ELAC2: variants seen among roughly 807,000 people sequenced by gnomAD.
ELAC2 encodes the protein zinc phosphodiesterase ELAC protein 2.
In ELAC2, 92 loss-of-function variants were observed where a neutral mutation model predicts 105.2. The observed-to-expected ratio is 0.87, with a 90% CI of 0.74 to 1.04. ELAC2 has a LOEUF of 1.04. Among genes scored for constraint, ELAC2 ranks in the 50% least tolerant of loss-of-function variants. The probability of loss-of-function intolerance (pLI) is 0.00; values close to 1 mark genes in which losing one functional copy is unlikely to be tolerated. For synonymous variants in ELAC2, 468 were observed against 409.1 expected, an observed-to-expected ratio of 1.14 and a Z score of -1.74; for missense variants, 1,099 against 1,071.7, an observed-to-expected ratio of 1.03 and a Z score of -0.36.
intron 8 of ELAC2, among the ~76,000 whole-genome samples, chr17:13,010,064 G>A (rs1232454544): frequency 6.6e-6 from 1 of 151,548 alleles, no homozygotes; most frequent in Non-Finnish European, 1.5e-5. Flanking sequence ...AAAAGTATGG[G>A]GTTATTTTGA....
chr17:13,014,068 C>A (rs1282001987), intron 5 of ELAC2, among the ~76,000 whole-genome samples: 1 of 152,046 alleles, frequency 6.6e-6, no homozygotes, highest in African/African-American at 2.4e-5. Flanking sequence ...CTGAGGCGGG[C>A]AGATCACAAG....
At chr17:13,015,194 G>A (rs1303722316) in intron 4 of ELAC2, among the ~76,000 whole-genome samples, 1 of 152,188 alleles carries the variant, frequency 6.6e-6, no homozygotes, top group Non-Finnish European at 1.5e-5. Flanking sequence ...AATGAATATG[G>A]GAGGCTATTG....
At chr17:13,013,351 A>G in intron 5 of ELAC2, 76 bp from the exon 6 acceptor site, 1 of 1,456,072 alleles carries the variant, frequency 6.9e-7, no homozygotes, top group Non-Finnish European at 9.5e-7. Flanking sequence ...AGGATCACCA[A>G]CCACGAGCAA....
Position 12,992,843 on chromosome 17 carries a change from T to A in ELAC2, c.2456A>T (p.Gln819Leu). The change falls in exon 24 of 24, where the codon CAG (glutamine) becomes CTG (leucine). Residue 819 changes from glutamine (Q) to leucine (L), a missense_variant. Coordinates refer to ENST00000338034, the MANE Select transcript of ELAC2 (RefSeq NM_018127.7). ...QQKRAHTEEP[Q>L]AKKVRAQ ...TCACTGGGCTCTGACCTTCTTGGCC[T>A]GTGGCTCCTCTGTGTGGGCCCGCTT... is the stretch of plus-strand genomic sequence containing the variant. 6.2e-7 allele frequency: 1 copy of A among 1,613,930 alleles called. No homozygotes were observed. The highest frequency in any genetic ancestry group is 1.1e-5 in the South Asian group (1 of 91,090).
rs765833496 is a variant in ELAC2, at chr17:12,995,828, C to T, written c.1699-16G>A. The T allele has an allele frequency of 5.0e-6, 8 of 1,602,962 alleles. No individual in the cohort carries two copies. In the South Asian group the frequency reaches 6.7e-5, roughly 13 times the overall value. On this transcript the variant is annotated splice_polypyrimidine_tract_variant and intron_variant, in intron 18 of 23. Transcript: ENST00000338034. ...CCAAAGATGCCTGGAACAAAAAATGCAAGTGCCGACTCGACGACAGAACAT... is the reference window on the plus strand; with the variant it reads ...CCAAAGATGCCTGGAACAAAAAATGTAAGTGCCGACTCGACGACAGAACAT...
In ELAC2 at chr17:13,005,079, G is replaced by T. The variant is rs775103906; in HGVS notation, c.893C>A (p.Thr298Asn). The T allele has an allele frequency of 6.2e-6, 10 of 1,614,166 alleles. No homozygotes were observed. The Admixed American group carries it at 1.7e-4, about 27-fold the overall frequency. ...AAAAGCAGCACCAGGATCTGGAGGAGTACACAGCTCTTCAGCCAAAATCTG... is the reference window on the plus strand; with the variant it reads ...AAAAGCAGCACCAGGATCTGGAGGATTACACAGCTCTTCAGCCAAAATCTG... ...GREILAEELCTPPDPGAAFVV... is the reference protein window; with the variant it reads ...GREILAEELCNPPDPGAAFVV... The change falls in exon 11 of 24, where the codon ACT (threonine) becomes AAT (asparagine). Residue 298 changes from threonine (T) to asparagine (N), a missense_variant. Physicochemically the swap from Thr to Asn is moderately conservative, Grantham distance 65. Transcript: ENST00000338034.
rs138536836 is a variant in ELAC2 at position 13,014,233 on chromosome 17, C to T, written c.490+206G>A. 0.093 allele frequency among the ~76,000 whole-genome samples: 12,932 copies of T among 139,744 alleles called. 758 individuals carry two copies. Among genetic ancestry groups the T allele is most frequent in the Middle Eastern group, 0.22 (56 of 260 alleles). 91.7% of individuals were successfully genotyped at this position (139,744 alleles called of 152,430 possible). ...GCTTGAACCCAGGAGGTGGAGGTTGCAGTGAGCCGAGATCATGCCACTGCA... is the reference window on the plus strand; with the variant it reads ...GCTTGAACCCAGGAGGTGGAGGTTGTAGTGAGCCGAGATCATGCCACTGCA... On this transcript the variant is annotated intron_variant, in intron 5 of 23. Coordinates refer to ENST00000338034, the MANE Select transcript of ELAC2 (RefSeq NM_018127.7).
intron 21 of ELAC2, 29 bp downstream of exon 21, chr17:12,994,735 C>A (rs369900061): frequency 6.2e-7 from 1 of 1,613,658 alleles, no homozygotes; most frequent in African/African-American, 1.3e-5. Flanking sequence ...AGAGCAACCT[C>A]AGGGTGGCTT....
rs1441122743 is a variant in ELAC2 at position 12,992,085 on chromosome 17, CCT to C, written c.*731_*732del. On this transcript the variant is annotated 3_prime_UTR_variant, in exon 24 of 24. Transcript: ENST00000338034. Reference sequence around the variant, plus strand: ...AGAACCACCAGAAGACTTGCATTTCCCTGACCAATGACACCAGCCCAGCCAGG... The same window carrying C: ...AGAACCACCAGAAGACTTGCATTTCCGACCAATGACACCAGCCCAGCCAGG... Among the ~76,000 whole-genome samples the C allele has an allele frequency of 2.0e-5, 3 of 152,146 alleles. No homozygotes were observed. The highest frequency in any genetic ancestry group is 2.0e-4 in the Admixed American group (3 of 15,274).
At chr17:13,009,633 G>A (rs1008190295) in intron 8 of ELAC2, among the ~76,000 whole-genome samples, 4 of 152,262 alleles carry the variant, frequency 2.6e-5, no homozygotes, top group South Asian at 4.1e-4. Context: ...TGGAGTTGAA[G>A]GAAAACAAAC....
intron 11 of ELAC2, chr17:13,004,051 C>A (rs908417060): frequency 4.8e-6 from 1 of 206,364 alleles, no homozygotes; most frequent in Non-Finnish European, 1.0e-5. Context: ...AATTTCACCA[C>A]CTGGACAACA....
Position 12,992,338 on chromosome 17 carries a change from C to T in ELAC2, c.*480G>A, listed in dbSNP as rs56274015. The T allele has an allele frequency of 0.19, 47,585 of 255,252 alleles. 4,468 individuals are homozygous for T. The highest frequency in any genetic ancestry group is 0.21 in the Admixed American group (3,892 of 18,592). The allele number at this position is 255,252 out of a possible 1,614,324, so 15.8% of individuals were successfully genotyped here. ...ACAGAGAGCCTTCTCCAAGGTGGTG[C>T]ACAGCAGACCCTGCTCTGTAGCAGC... On this transcript the variant is annotated 3_prime_UTR_variant, in exon 24 of 24. Coordinates refer to ENST00000338034, the MANE Select transcript of ELAC2 (RefSeq NM_018127.7).
chr17:12,993,348 G>C (rs1045488046), intron 23 of ELAC2, among the ~76,000 whole-genome samples: 1 of 152,194 alleles, frequency 6.6e-6, no homozygotes, highest in African/African-American at 2.4e-5. Flanking sequence ...ATTCCGGAAG[G>C]CCAAGGGTCA....
rs1024494003 is a variant in ELAC2 at position 13,006,561 on chromosome 17, A to G, written c.739-582T>C. 3 of 160,268 alleles carry G rather than the reference A, an allele frequency of 1.9e-5. No homozygotes were observed. In the South Asian group the frequency reaches 5.0e-4, roughly 27 times the overall value. 9.9% of individuals were successfully genotyped at this position (160,268 alleles called of 1,614,324 possible). On this transcript the variant is annotated intron_variant, in intron 8 of 23. Coordinates refer to ENST00000338034, the MANE Select transcript of ELAC2 (RefSeq NM_018127.7). Reference sequence around the variant, plus strand: ...CTCATTATAAATTTAATAAAATGTAATTCAATATGAAAGTTAATAAATATC... The same window carrying G: ...CTCATTATAAATTTAATAAAATGTAGTTCAATATGAAAGTTAATAAATATC...
At chr17:13,007,872 C>T (rs1439947937) in intron 8 of ELAC2, among the ~76,000 whole-genome samples, 2 of 151,582 alleles carry the variant, frequency 1.3e-5, no homozygotes, top group African/African-American at 2.4e-5. Flanking sequence ...AGAAAGACTC[C>T]GTCTCAAAAA....
Position 12,993,728 on chromosome 17 carries a change from T to C in ELAC2, c.2212A>G (p.Asn738Asp). Residue 738 changes from asparagine to aspartate, a missense_variant, in exon 23 of 24, where the codon AAC (asparagine) becomes GAC (aspartate). Coordinates refer to ENST00000338034, the MANE Select transcript of ELAC2 (RefSeq NM_018127.7). ...GCAACTCCCACTTTCTCGCTGAAGT[T>C]GGGGCTGAAGAGGGGGACCTTGGCA... ...RYAKVPLFSP[N>D]FSEKVGVAFD... The C allele has an allele frequency of 1.2e-6, 2 of 1,614,144 alleles. No individual in the cohort carries two copies. The highest frequency in any genetic ancestry group is 1.7e-6 in the Non-Finnish European group (2 of 1,180,018).
At chr17:12,997,396 C>T (rs1253984970) in intron 16 of ELAC2, among the ~76,000 whole-genome samples, 1 of 152,164 alleles carries the variant, frequency 6.6e-6, no homozygotes, top group African/African-American at 2.4e-5. Context: ...GAGGGCTGCA[C>T]CCATTTTGCA....
At chr17:13,011,182 A>G (rs1458080497) in intron 7 of ELAC2, among the ~76,000 whole-genome samples, 1 of 152,130 alleles carries the variant, frequency 6.6e-6, no homozygotes, top group Non-Finnish European at 1.5e-5. Context: ...TAAGGACAAC[A>G]AACTCCCGAA....
At chr17:12,998,693 C>T (rs759884235) in intron 15 of ELAC2, among the ~76,000 whole-genome samples, 185 bp from the exon 16 acceptor site, 4 of 152,134 alleles carry the variant, frequency 2.6e-5, no homozygotes, top group African/African-American at 9.7e-5. Flanking sequence ...GCTACAGGGA[C>T]GGACCCTCCT....
Sources: gnomAD v4.1 joint callset for allele counts (sites outside exome capture counted in the v4.1 genomes callset) on GRCh38, gnomAD v4.1.1 for gene constraint, MANE v1.5 for transcripts, NCBI Gene and HGNC (gene_info 2026-07-23, HGNC 2026-07-21) for gene names.